The following DCAF6 variants were observed in gnomAD, a reference collection of about 807,000 sequenced individuals.
DCAF6 encodes the protein DDB1 and CUL4 associated factor 6.
A neutral mutation model predicts 125.1 loss-of-function variants in DCAF6; 54 were observed. That is an observed-to-expected ratio of 0.43 (90% CI 0.35 to 0.54). DCAF6 has a LOEUF of 0.54. Among genes scored for constraint, DCAF6 ranks in the 20% least tolerant of loss-of-function variants. The pLI is 0.01. For missense variants in DCAF6, 934 were observed against 1,161.7 expected, an observed-to-expected ratio of 0.80 and a Z score of 2.85; for synonymous variants, 371 against 390.4, an observed-to-expected ratio of 0.95 and a Z score of 0.58.
At chr1:167,888,928 T>C in the DCAF6 span, among the ~76,000 whole-genome samples, 1 of 151,478 alleles carries the variant, frequency 6.6e-6, no homozygotes, top group Non-Finnish European at 1.5e-5. Flanking sequence ...TTTTGTATGA[T>C]GATTTTGTAT....
At chr1:167,970,807 T>C (rs1297875900) in intron 3 of DCAF6, among the ~76,000 whole-genome samples, 1 of 152,102 alleles carries the variant, frequency 6.6e-6, no homozygotes, top group Non-Finnish European at 1.5e-5. Context: ...AATAAGAGTT[T>C]TGAAACACTT....
At chr1:167,879,418 C>T in the DCAF6 span, among the ~76,000 whole-genome samples, 9 of 152,092 alleles carry the variant, frequency 5.9e-5, no homozygotes, top group African/African-American at 2.2e-4. Context: ...GAACAAGGTA[C>T]TCTTTTTGAA....
rs781072446 is a variant in DCAF6, at chr1:167,991,344, G to A, written c.688+5G>A. ...TGCTGGGCACAAGAGCTACAGGTAA[G>A]AAGATAATATTAGAGAAAATATAGG... is the stretch of plus-strand genomic sequence containing the variant. On this transcript the variant is annotated splice_donor_5th_base_variant and intron_variant, in intron 6 of 21. Transcript: ENST00000367840. 1.1e-5 allele frequency: 17 copies of A among 1,603,434 alleles called. No homozygotes were observed. Among genetic ancestry groups the A allele is most frequent in the Non-Finnish European group, 1.4e-5 (17 of 1,175,552 alleles).
chr1:167,947,036 C>T (rs1418256622), intron 1 of DCAF6, among the ~76,000 whole-genome samples: 1 of 152,132 alleles, frequency 6.6e-6, no homozygotes, highest in Non-Finnish European at 1.5e-5. Context: ...GTAAAAATTA[C>T]TGATTAATTC....
At chr1:167,974,295 A>C (rs145499471) in intron 3 of DCAF6, among the ~76,000 whole-genome samples, 1 of 152,118 alleles carries the variant, frequency 6.6e-6, no homozygotes. Flanking sequence ...ATCTGCAACA[A>C]ATTATACAAA....
At chr1:167,902,175 A>G in the DCAF6 span, 2 of 992,412 alleles carry the variant, frequency 2.0e-6, no homozygotes, top group East Asian at 2.4e-5. Flanking sequence ...GAATAGGCTT[A>G]TACTAAAGAT....
chr1:168,038,779 A>G (rs949449288), intron 13 of DCAF6, among the ~76,000 whole-genome samples: 1 of 152,036 alleles, frequency 6.6e-6, no homozygotes, highest in Non-Finnish European at 1.5e-5. Context: ...AATGCAAAAG[A>G]TAATACTAAT....
chr1:167,995,587 G>A lies in DCAF6; in HGVS notation c.903+2147G>A, dbSNP rs144869376. Among the ~76,000 whole-genome samples the A allele has an allele frequency of 7.1e-3, 1,072 of 151,666 alleles. 13 individuals carry two copies. Among genetic ancestry groups the A allele is most frequent in the African/African-American group, 0.024 (1,004 of 41,284 alleles). ...CCCAGCTACTTGGGAGGTTGAGGCAGGAGAATTGCTTGAACCCAAGAGAAG... is the reference window on the plus strand; with the variant it reads ...CCCAGCTACTTGGGAGGTTGAGGCAAGAGAATTGCTTGAACCCAAGAGAAG... On this transcript the variant is annotated intron_variant, in intron 7 of 21. Transcript: ENST00000367840.
the DCAF6 span, among the ~76,000 whole-genome samples, chr1:167,906,899 G>A: frequency 6.6e-6 from 1 of 152,152 alleles, no homozygotes; most frequent in Non-Finnish European, 1.5e-5. Context: ...ATTTTTAAAG[G>A]CTTTGTTGAA....
intron 12 of DCAF6, among the ~76,000 whole-genome samples, chr1:168,024,220 TAAA>T (rs374506657): frequency 3.2e-5 from 4 of 124,716 alleles, no homozygotes; most frequent in African/African-American, 8.6e-5. Context: ...CCCATCTCTT[TAAA>T]AAAAAAAAAA....
At chr1:167,991,374 T>C (rs762742078) in intron 6 of DCAF6, 35 bp downstream of exon 6, 39 of 1,570,154 alleles carry the variant, frequency 2.5e-5, no homozygotes, top group Non-Finnish European at 3.3e-5. Flanking sequence ...TATAGGACTG[T>C]CAGTTCAAAG....
chr1:168,015,710 TG>T, intron 10 of DCAF6, 70 bp from the exon 11 acceptor site: 1 of 1,271,092 alleles, frequency 7.9e-7, no homozygotes, highest in Non-Finnish European at 1.0e-6. Flanking sequence ...TCTTTTTTAA[TG>T]TATAATCAAA....
Position 167,976,886 on chromosome 1 carries a change from G to GTTTTTTT in DCAF6, c.438+1899_438+1905dup, listed in dbSNP as rs397981860. The stretch of plus-strand genomic sequence containing the variant: ...TGTACTGAAGGTACATCCTTTAGCA[G>GTTTTTTT]TTTTTTTTTTTTTTTTTTTTTTTTT... On this transcript the variant is annotated intron_variant, in intron 4 of 21. Coordinates refer to ENST00000367840, the MANE Select transcript of DCAF6 (RefSeq NM_001198956.2). Among the ~76,000 whole-genome samples, 56 of 38,064 alleles carry GTTTTTTT rather than the reference G, an allele frequency of 1.5e-3. 9 individuals are homozygous for GTTTTTTT. Among genetic ancestry groups the GTTTTTTT allele is most frequent in the Non-Finnish European group, 1.9e-3 (37 of 19,416 alleles). 25.0% of individuals were successfully genotyped at this position (38,064 alleles called of 152,430 possible).
chr1:168,056,508 T>C, intron 17 of DCAF6: 1 of 253,706 alleles, frequency 3.9e-6, no homozygotes, highest in South Asian at 8.6e-5. Context: ...GCTTAAGTTT[T>C]TAATAATAAA....
intron 18 of DCAF6, 81 bp downstream of exon 18, chr1:168,063,840 T>A: frequency 7.3e-7 from 1 of 1,362,564 alleles, no homozygotes; most frequent in Admixed American, 2.3e-5. Context: ...TATCTTCATA[T>A]ATTGCCAATG....
the DCAF6 span, among the ~76,000 whole-genome samples, chr1:167,912,987 T>C: frequency 6.6e-6 from 1 of 152,240 alleles, no homozygotes; most frequent in Admixed American, 6.5e-5. Context: ...ATCCCATTTG[T>C]ATACGCTTTA....
the DCAF6 span, chr1:167,875,144 ATCC>A: frequency 6.2e-7 from 1 of 1,614,198 alleles, no homozygotes. Flanking sequence ...GCAAAGGGTA[ATCC>A]TCCTTTCTGT....
intron 7 of DCAF6, chr1:167,998,608 T>A (rs1682116273): frequency 1.3e-5 from 2 of 156,976 alleles, no homozygotes; most frequent in African/African-American, 4.8e-5. Flanking sequence ...CTATAATAGA[T>A]CCTTTTGTTG....
chr1:168,048,400 A>G (rs1689405775), intron 16 of DCAF6, among the ~76,000 whole-genome samples: 1 of 152,232 alleles, frequency 6.6e-6, no homozygotes, highest in South Asian at 2.1e-4. Flanking sequence ...TTTGTTCCAA[A>G]TTTAATTTTT....
Sources: allele counts gnomAD v4.1 joint callset (sites outside exome capture counted in the v4.1 genomes callset), GRCh38; gene constraint gnomAD v4.1.1; transcripts MANE v1.5; gene names NCBI Gene and HGNC (gene_info 2026-07-23, HGNC 2026-07-21).